ACBD5: variants seen among roughly 807,000 people sequenced by gnomAD.
ACBD5 encodes the protein acyl-CoA-binding domain-containing protein 5.
In ACBD5, 40 loss-of-function variants were observed where a neutral mutation model predicts 71.8. That is an observed-to-expected ratio of 0.56 (90% CI 0.43 to 0.72). The LOEUF is 0.72. Ranked by LOEUF, ACBD5 falls within the 30% of genes least tolerant of loss-of-function variation. The pLI is 0.00. For synonymous variants in ACBD5, 229 were observed against 218.6 expected, an observed-to-expected ratio of 1.05 and a Z score of -0.42; for missense variants, 559 against 644.5, an observed-to-expected ratio of 0.87 and a Z score of 1.44.
At chr10:27,204,314 AT>A in intron 12 of ACBD5, 125 bp downstream of exon 12, 1 of 714,158 alleles carries the variant, frequency 1.4e-6, no homozygotes, top group Non-Finnish European at 2.5e-6. Context: ...CAGGATAAAT[AT>A]AGAATGTTCA....
chr10:27,183,615 T>C (rs957043225), intron 13 of ACBD5, among the ~76,000 whole-genome samples: 9 of 152,126 alleles, frequency 5.9e-5, no homozygotes, highest in African/African-American at 1.9e-4. Context: ...CGTCCCAAAA[T>C]GCATTTCTTT....
intron 13 of ACBD5, chr10:27,186,734 CTG>C (rs2058778622): frequency 3.4e-6 from 2 of 590,660 alleles, no homozygotes; most frequent in Middle Eastern, 4.6e-4. Flanking sequence ...AACCTCAAAA[CTG>C]TATATAAATC....
At chr10:27,186,951 C>G (rs1564516191) in intron 13 of ACBD5, 1 of 239,996 alleles carries the variant, frequency 4.2e-6, no homozygotes, top group Non-Finnish European at 8.2e-6. Context: ...ATATGATTAC[C>G]TTCAAAAGCT....
chr10:27,240,310 C>T lies in ACBD5; in HGVS notation c.181+9G>A. ...GGAGGCGTCTACAGCCGGGGCCCAG[C>T]GCACGTACCATTCTTCGGCAAACTC... On this transcript the variant is annotated intron_variant, in intron 2 of 12. Coordinates refer to ENST00000396271, the MANE Select transcript of ACBD5 (RefSeq NM_145698.5). The surrounding 1 kb of genome is among the most constrained non-coding windows in gnomAD (Gnocchi z 4.1). 2.5e-6 allele frequency: 4 copies of T among 1,614,010 alleles called. No homozygotes were observed. Among genetic ancestry groups the T allele is most frequent in the Non-Finnish European group, 3.4e-6 (4 of 1,180,014 alleles).
chr10:27,229,744 A>G (rs2063608342), intron 4 of ACBD5, among the ~76,000 whole-genome samples: 1 of 152,216 alleles, frequency 6.6e-6, no homozygotes, highest in Non-Finnish European at 1.5e-5. Context: ...AAATAATTCA[A>G]AAGAGTAATC....
intron 2 of ACBD5, among the ~76,000 whole-genome samples, chr10:27,236,302 A>G (rs1363807072): frequency 6.6e-6 from 1 of 152,144 alleles, no homozygotes; most frequent in African/African-American, 2.4e-5. Flanking sequence ...AAATAATGGT[A>G]TAAGTTCCAT....
intron 6 of ACBD5, among the ~76,000 whole-genome samples, chr10:27,219,314 A>AAG (rs1180891848): frequency 1.4e-5 from 1 of 72,198 alleles, no homozygotes. Context: ...CTCATAAAAA[A>AAG]ACAAAAAAAA....
chr10:27,229,375 A>G (rs1168787619), intron 4 of ACBD5, among the ~76,000 whole-genome samples: 1 of 151,784 alleles, frequency 6.6e-6, no homozygotes, highest in East Asian at 2.0e-4. Flanking sequence ...GTATCACCTG[A>G]GGTCAGGAGT....
Position 27,218,020 on chromosome 10 carries a change from G to A in ACBD5, c.789C>T (p.Asn263=). The part of the protein sequence containing the change: ...STEEVKPIDE[N]LGQTGKSAVC... ...CAGCAGATTTTCCAGTTTGCCCCAA[G>A]TTTTCATCAATGGGCTTTACTTCTT... Residue 263 remains asparagine (N), a synonymous_variant, in exon 7 of 13, where the codon AAC becomes AAT. Coordinates refer to ENST00000396271, the MANE Select transcript of ACBD5 (RefSeq NM_145698.5). 6.2e-7 allele frequency: 1 copy of A among 1,614,168 alleles called. No individual in the cohort carries two copies. Among genetic ancestry groups the A allele is most frequent in the Non-Finnish European group, 8.5e-7 (1 of 1,180,018 alleles).
Position 27,235,209 on chromosome 10 carries a change from G to A in ACBD5, c.185C>T (p.Ser62Leu). The A allele has an allele frequency of 1.2e-6, 2 of 1,613,868 alleles. No homozygotes were observed. Among genetic ancestry groups the A allele is most frequent in the Non-Finnish European group, 1.7e-6 (2 of 1,179,902 alleles). Residue 62 changes from serine (S) to leucine (L), a missense_variant, in exon 3 of 13, where the codon TCA (serine) becomes TTA (leucine). Physicochemically the swap from Ser to Leu is moderately radical, Grantham distance 145. Transcript: ENST00000396271. Reference sequence around the variant, plus strand: ...CATCATTTCATTTGTTGGCTGGAATGAACCTGTTGGAAACACACATTAAAT... The same window carrying A: ...CATCATTTCATTTGTTGGCTGGAATAAACCTGTTGGAAACACACATTAAAT... Reference protein sequence around the residue: ...KVIQSLPKNGSFQPTNEMMLK... With the variant: ...KVIQSLPKNGLFQPTNEMMLK...
chr10:27,229,055 C>T (rs1490242277), intron 4 of ACBD5, among the ~76,000 whole-genome samples: 1 of 149,472 alleles, frequency 6.7e-6, no homozygotes, highest in East Asian at 2.0e-4. Flanking sequence ...CTCCTGACCT[C>T]AGGTGATCCG....
At chr10:27,189,476 A>G (rs2058969058) in intron 13 of ACBD5, among the ~76,000 whole-genome samples, 2 of 152,192 alleles carry the variant, frequency 1.3e-5, no homozygotes, top group African/African-American at 4.8e-5. Context: ...CCCTGTCTCT[A>G]TCTAAATTTT....
upstream of ACBD5, chr10:27,242,005 C>G: frequency 2.2e-6 from 1 of 449,538 alleles, no homozygotes; most frequent in Non-Finnish European, 4.4e-6. Context: ...TAGGAAAAAT[C>G]TAGGCGCAGA....
At chr10:27,218,936 G>A (rs1160421884) in intron 6 of ACBD5, among the ~76,000 whole-genome samples, 3 of 152,004 alleles carry the variant, frequency 2.0e-5, no homozygotes, top group African/African-American at 2.4e-5. Context: ...CAGTCTTCCC[G>A]TGTGTTATTG....
chr10:27,202,023 G>A (rs1447507633), intron 12 of ACBD5, among the ~76,000 whole-genome samples: 1 of 152,094 alleles, frequency 6.6e-6, no homozygotes, highest in East Asian at 1.9e-4. Context: ...TCCCTATTAT[G>A]AGTAGGGCAC....
rs556601883 is a variant in ACBD5, at chr10:27,186,747, T to C, written c.1494-4032A>G. ...TTAACCTCAAAACTGTATATAAATC[T>C]TCAAAGCTTTTTTCATTTATTTATT... is the stretch of plus-strand genomic sequence containing the variant. On this transcript the variant is annotated intron_variant, in intron 13 of 13. Coordinates refer to the ACBD5 transcript ENST00000676511. The C allele has an allele frequency of 1.1e-4, 63 of 567,970 alleles. No homozygotes were observed. The South Asian group carries it at 1.3e-3, about 12-fold the overall frequency. 35.2% of individuals were successfully genotyped at this position (567,970 alleles called of 1,614,324 possible).
At chr10:27,216,850 G>A (rs1045902718) in intron 7 of ACBD5, among the ~76,000 whole-genome samples, 8 of 151,908 alleles carry the variant, frequency 5.3e-5, no homozygotes, top group East Asian at 3.9e-4. Flanking sequence ...CTTACATTAC[G>A]AAATGATGTT....
intron 10 of ACBD5, among the ~76,000 whole-genome samples, 196 bp from the exon 11 acceptor site, chr10:27,205,444 C>T (rs1254285937): frequency 6.6e-6 from 1 of 151,826 alleles, no homozygotes; most frequent in African/African-American, 2.4e-5. Flanking sequence ...CTTTGATTAT[C>T]CTGAAACTAA....
chr10:27,199,779 G>A (rs765168002), intron 12 of ACBD5, among the ~76,000 whole-genome samples: 22 of 152,262 alleles, frequency 1.4e-4, no homozygotes, highest in Non-Finnish European at 2.4e-4. Flanking sequence ...AATCTGGGCA[G>A]GCTGCTTAAG....
Sources: allele counts gnomAD v4.1 joint callset (sites outside exome capture counted in the v4.1 genomes callset), GRCh38; gene constraint gnomAD v4.1.1; non-coding constraint Gnocchi (gnomAD v3.1); transcripts MANE v1.5; gene names NCBI Gene and HGNC (gene_info 2026-07-23, HGNC 2026-07-21).